NEDD4: variants seen among roughly 807,000 people sequenced by gnomAD.
The protein encoded by NEDD4 is NEDD4 E3 ubiquitin protein ligase.
Under a neutral mutation model 144.9 loss-of-function variants are expected in NEDD4, and 99 were observed. The observed-to-expected ratio is 0.68, with a 90% confidence interval of 0.58 to 0.81. The LOEUF is 0.81. NEDD4 is among the 30% of genes least tolerant of loss of function. NEDD4 has a pLI of 0.00. For missense variants in NEDD4, 985 were observed against 1,065.9 expected (o/e 0.92, Z 1.06); for synonymous variants, 318 against 350.6 (o/e 0.91, Z 1.04).
intron 18 of NEDD4, among the ~76,000 whole-genome samples, chr15:55,845,382 C>T (rs1015756147): frequency 1.3e-5 from 2 of 152,138 alleles, no homozygotes; most frequent in African/African-American, 2.4e-5. Context: ...CTCTCTGTGC[C>T]TCAGTTTCCT....
chr15:55,978,848 A>C (rs1175772521), intron 1 of NEDD4, among the ~76,000 whole-genome samples: 2 of 151,134 alleles, frequency 1.3e-5, no homozygotes, highest in Non-Finnish European at 2.9e-5. Context: ...ATTAAAAGGT[A>C]GCTTCTTAAG....
intron 24 of NEDD4, among the ~76,000 whole-genome samples, chr15:55,834,808 G>T (rs1232554165): frequency 6.6e-6 from 1 of 152,082 alleles, no homozygotes; most frequent in Non-Finnish European, 1.5e-5. Context: ...TTTACAGTAG[G>T]TAAGTGTAAG....
intron 5 of NEDD4, among the ~76,000 whole-genome samples, chr15:55,899,476 C>T (rs1372991737): frequency 3.3e-5 from 5 of 152,042 alleles, no homozygotes; most frequent in East Asian, 1.9e-4. Context: ...ACAGGAAAAA[C>T]GGGGATGTGG....
In NEDD4 at chr15:55,856,156, A is replaced by G. The variant is rs769794405; in HGVS notation, c.1001T>C (p.Phe334Ser). Residue 334 changes from phenylalanine (F) to serine (S), a missense_variant, in exon 12 of 29, where the codon TTT (phenylalanine) becomes TCT (serine). By Grantham distance (155) the Phe-to-Ser change is radical. Transcript: ENST00000435532. The stretch of plus-strand genomic sequence containing the variant: ...CACAGGAAGTGTAGGTTGTTCCTCA[A>G]AAGTATAGGCTTGTAAGCTGCCTCT... The part of the protein sequence containing the change: ...SRRGSLQAYT[F>S]EEQPTLPVLL... 7 of 1,613,084 alleles carry G rather than the reference A, an allele frequency of 4.3e-6. No individual in the cohort carries two copies. Among genetic ancestry groups the G allele is most frequent in the Admixed American group, 3.3e-5 (2 of 59,804 alleles).
intron 5 of NEDD4, among the ~76,000 whole-genome samples, chr15:55,906,541 C>CA (rs2036101416): frequency 6.6e-6 from 1 of 151,194 alleles, no homozygotes; most frequent in Admixed American, 6.6e-5. Flanking sequence ...GACAAAAAAC[C>CA]AAACACCCCA....
chr15:55,847,678 T>TTTCC (rs1491082359), intron 17 of NEDD4, among the ~76,000 whole-genome samples: 145 of 12,958 alleles, frequency 0.011, no homozygotes, highest in Non-Finnish European at 0.015. Flanking sequence ...TCTTTTTCCT[T>TTTCC]TTTTTTTTTT....
chr15:55,834,896 C>A (rs2033123431), intron 24 of NEDD4, among the ~76,000 whole-genome samples: 1 of 152,196 alleles, frequency 6.6e-6, no homozygotes, highest in South Asian at 2.1e-4. Context: ...CCAACCATCA[C>A]CAACACCCAT....
chr15:55,910,020 A>G (rs1241439697), intron 5 of NEDD4, among the ~76,000 whole-genome samples: 1 of 141,010 alleles, frequency 7.1e-6, no homozygotes, highest in African/African-American at 2.6e-5. Context: ...CTTTTCACTC[A>G]TCATACTTGC....
At chr15:55,935,017 C>T (rs2036858953) in intron 4 of NEDD4, among the ~76,000 whole-genome samples, 1 of 151,822 alleles carries the variant, frequency 6.6e-6, no homozygotes, top group Non-Finnish European at 1.5e-5. Context: ...TAGAGGCACC[C>T]ACCACCATGC....
intron 4 of NEDD4, among the ~76,000 whole-genome samples, chr15:55,936,580 T>C (rs555086117): frequency 2.0e-5 from 3 of 152,306 alleles, no homozygotes; most frequent in African/African-American, 7.2e-5. Flanking sequence ...CTTGCATATA[T>C]ATACATTACA....
intron 1 of NEDD4, among the ~76,000 whole-genome samples, chr15:55,991,298 G>T (rs1221280661): frequency 5.9e-5 from 9 of 152,132 alleles, no homozygotes. Context: ...GTGTTTGGGG[G>T]TGGGGAGGAT....
At chr15:55,966,789 C>T (rs544025840) in intron 1 of NEDD4, among the ~76,000 whole-genome samples, 13 of 152,294 alleles carry the variant, frequency 8.5e-5, no homozygotes, top group South Asian at 2.1e-4. Context: ...AAGAATTTAT[C>T]GCTGCGCTCA....
intron 21 of NEDD4, among the ~76,000 whole-genome samples, chr15:55,839,413 G>A (rs72732262): frequency 7.9e-5 from 12 of 152,228 alleles, no homozygotes; most frequent in Non-Finnish European, 1.2e-4. Flanking sequence ...AATAAATATA[G>A]AGGCTCAATG....
chr15:55,976,129 T>C (rs1169016070), intron 1 of NEDD4, among the ~76,000 whole-genome samples: 1 of 152,018 alleles, frequency 6.6e-6, no homozygotes, highest in African/African-American at 2.4e-5. Context: ...AAAAATCAAA[T>C]CAAAACATTG....
chr15:55,832,045 G>C (rs1201795129), intron 27 of NEDD4, among the ~76,000 whole-genome samples: 1 of 152,006 alleles, frequency 6.6e-6, no homozygotes, highest in Non-Finnish European at 1.5e-5. Flanking sequence ...TAATTTGATA[G>C]AATACATAGA....
chr15:55,976,773 C>A (rs1258892186), intron 1 of NEDD4, among the ~76,000 whole-genome samples: 1 of 149,258 alleles, frequency 6.7e-6, no homozygotes, highest in African/African-American at 2.5e-5. Context: ...GGACTACAGG[C>A]GCCCGCCACC....
intron 9 of NEDD4, 148 bp from the exon 10 acceptor site, chr15:55,860,926 A>G: frequency 1.5e-6 from 1 of 683,972 alleles, no homozygotes; most frequent in Non-Finnish European, 2.5e-6. Flanking sequence ...ACATGCAAAG[A>G]TTCAATCATG....
intron 2 of NEDD4, among the ~76,000 whole-genome samples, chr15:55,960,335 C>T (rs2037405387): frequency 6.6e-6 from 1 of 152,156 alleles, no homozygotes; most frequent in Admixed American, 6.5e-5. Flanking sequence ...TAATCAGCTG[C>T]CAGGGCAGCT....
At chr15:55,833,420 G>A (rs1221540061) in intron 26 of NEDD4, among the ~76,000 whole-genome samples, 1 of 152,108 alleles carries the variant, frequency 6.6e-6, no homozygotes, top group Non-Finnish European at 1.5e-5. Flanking sequence ...CACTCTGGGA[G>A]GCTGAGGTGG....
Sources: gnomAD v4.1 joint callset for allele counts (sites outside exome capture counted in the v4.1 genomes callset) on GRCh38, gnomAD v4.1.1 for gene constraint, MANE v1.5 for transcripts, NCBI Gene and HGNC (gene_info 2026-07-23, HGNC 2026-07-21) for gene names.